RMDN2: variants seen among roughly 807,000 people sequenced by gnomAD.
RMDN2 encodes the protein regulator of microtubule dynamics protein 2.
Under a neutral mutation model 52.8 loss-of-function variants are expected in RMDN2, and 61 were observed. The ratio of observed to expected loss-of-function variants is 1.16; its 90% confidence interval spans 0.94 to 1.43. The LOEUF (loss-of-function observed/expected upper bound fraction) is 1.43, where lower values mean the gene tolerates loss of function less well. Among genes scored for constraint, RMDN2 ranks in the 40% most tolerant of loss-of-function variants. The probability of loss-of-function intolerance (pLI) is 0.00; values close to 1 mark genes in which losing one functional copy is unlikely to be tolerated. For missense variants in RMDN2, 592 were observed against 475.3 expected (o/e 1.25, Z -2.28); for synonymous variants, 180 against 153.1 (o/e 1.18, Z -1.30).
intron 2 of RMDN2, among the ~76,000 whole-genome samples, chr2:37,931,446 A>G (rs1157887779): frequency 1.3e-5 from 2 of 152,224 alleles, no homozygotes; most frequent in Non-Finnish European, 2.9e-5. Context: ...CAGTTTTGGC[A>G]GTTGCATCTT....
intron 4 of RMDN2, among the ~76,000 whole-genome samples, chr2:37,977,975 G>T (rs1171358573): frequency 6.6e-6 from 1 of 152,100 alleles, no homozygotes; most frequent in Non-Finnish European, 1.5e-5. Context: ...CAGGCGGCTG[G>T]GAGGTGGAGA....
upstream of RMDN2, among the ~76,000 whole-genome samples, chr2:37,921,925 C>T (rs1666042946): frequency 6.6e-6 from 1 of 152,138 alleles, no homozygotes; most frequent in African/African-American, 2.4e-5. Context: ...ATAAATGTTC[C>T]TGCTGTACCT....
intron 2 of RMDN2, among the ~76,000 whole-genome samples, chr2:37,957,343 C>G (rs1170708914): frequency 1.3e-5 from 2 of 152,176 alleles, no homozygotes; most frequent in Non-Finnish European, 2.9e-5. Flanking sequence ...TTAATTATTG[C>G]CATTCTAACT....
At chr2:37,949,804 C>T (rs182603252) in intron 2 of RMDN2, 195 of 152,756 alleles carry the variant, frequency 1.3e-3, no homozygotes, top group Non-Finnish European at 1.3e-3. Context: ...TACACATACA[C>T]GTATACCTGT....
chr2:37,968,425 C>T (rs1384042292), intron 2 of RMDN2, among the ~76,000 whole-genome samples: 4 of 116,818 alleles, frequency 3.4e-5, no homozygotes, highest in African/African-American at 1.0e-4. Context: ...GGTGACAGAG[C>T]GAGACTCTGT....
intron 10 of RMDN2, among the ~76,000 whole-genome samples, chr2:38,009,341 G>A (rs1677599960): frequency 6.6e-6 from 1 of 152,164 alleles, no homozygotes; most frequent in Non-Finnish European, 1.5e-5. Context: ...TCACTTTCAG[G>A]TACACCAATC....
At position 37,974,935 on chromosome 2, in the gene RMDN2, G is replaced by T. The variant is rs565030082; in HGVS notation, c.628-277G>T. 1.5e-4 allele frequency: 46 copies of T among 312,696 alleles called. No homozygotes were observed. The East Asian group carries it at 3.3e-3, about 23-fold the overall frequency. The allele number at this position is 312,696 out of a possible 1,614,324, so 19.4% of individuals were successfully genotyped here. ...GCTCAGGAAGAATTTCTAGATTTTG[G>T]TGCCTATCAAATCTCTTCTCTGCAT... On this transcript the variant is annotated intron_variant, in intron 3 of 10. Coordinates refer to ENST00000354545, the MANE Select transcript of RMDN2 (RefSeq NM_001170791.3).
At chr2:38,005,263 T>C (rs1490764830) in intron 10 of RMDN2, among the ~76,000 whole-genome samples, 3 of 152,288 alleles carry the variant, frequency 2.0e-5, no homozygotes, top group African/African-American at 2.4e-5. Context: ...TCTAGATCCC[T>C]GAGGAATCGC....
chr2:38,004,281 A>G (rs946867938), intron 10 of RMDN2, 65 bp downstream of exon 10: 3 of 1,048,496 alleles, frequency 2.9e-6, no homozygotes, highest in African/African-American at 3.1e-5. Flanking sequence ...CAAAACAGGA[A>G]TAACTCGCTT....
At chr2:37,963,848 G>A (rs1447295082) in intron 2 of RMDN2, among the ~76,000 whole-genome samples, 1 of 152,174 alleles carries the variant, frequency 6.6e-6, no homozygotes, top group African/African-American at 2.4e-5. Context: ...ACCAGACGGG[G>A]TGGCGGCCGG....
intron 10 of RMDN2, among the ~76,000 whole-genome samples, chr2:38,009,142 T>A (rs573330767): frequency 1.3e-5 from 2 of 152,358 alleles, no homozygotes; most frequent in African/African-American, 2.4e-5. Flanking sequence ...TTAACATTTT[T>A]TCCTTCATTT....
At chr2:37,941,895 G>C (rs1330589764) in intron 2 of RMDN2, among the ~76,000 whole-genome samples, 1 of 151,850 alleles carries the variant, frequency 6.6e-6, no homozygotes, top group Non-Finnish European at 1.5e-5. Context: ...CTTTCCAGGG[G>C]AGTGAGTGGT....
intron 10 of RMDN2, among the ~76,000 whole-genome samples, chr2:38,059,319 T>G (rs575955710): frequency 2.6e-5 from 4 of 152,364 alleles, no homozygotes; most frequent in African/African-American, 9.6e-5. Flanking sequence ...ACTAATTTCT[T>G]TTTGTGAGTA....
At position 37,929,266 on chromosome 2, in the gene RMDN2, G is replaced by T; in HGVS notation, c.-12G>T. The T allele has an allele frequency of 6.7e-7, 1 of 1,486,556 alleles. No individual in the cohort carries two copies. The highest frequency in any genetic ancestry group is 1.3e-5 in the South Asian group (1 of 75,956). 92.1% of individuals were successfully genotyped at this position (1,486,556 alleles called of 1,614,324 possible). On this transcript the variant is annotated 5_prime_UTR_variant, in exon 2 of 11. Transcript: ENST00000354545. Reference sequence around the variant, plus strand: ...CATTTATGTTTTTAATTTTAGAAACGAAAACCAAGAAATGCCTTATTCCAC... The same window carrying T: ...CATTTATGTTTTTAATTTTAGAAACTAAAACCAAGAAATGCCTTATTCCAC...
At chr2:37,989,313 C>T (rs1189524841) in intron 5 of RMDN2, among the ~76,000 whole-genome samples, 1 of 152,048 alleles carries the variant, frequency 6.6e-6, no homozygotes, top group Non-Finnish European at 1.5e-5. Context: ...CTTATTTTAC[C>T]CTCACAGTAT....
intron 5 of RMDN2, among the ~76,000 whole-genome samples, chr2:37,984,314 TG>T (rs1673707554): frequency 6.6e-6 from 1 of 152,198 alleles, no homozygotes; most frequent in African/African-American, 2.4e-5. Context: ...TGCAGTTTGT[TG>T]GCCAAATAAG....
chr2:37,967,723 G>T (rs979462351), intron 2 of RMDN2, among the ~76,000 whole-genome samples: 1 of 152,194 alleles, frequency 6.6e-6, no homozygotes, highest in African/African-American at 2.4e-5. Flanking sequence ...AATTTTGCAA[G>T]AGTTTCTTTC....
intron 2 of RMDN2, among the ~76,000 whole-genome samples, chr2:37,937,060 C>A (rs1385289995): frequency 1.3e-5 from 2 of 152,042 alleles, no homozygotes; most frequent in African/African-American, 4.8e-5. Context: ...TCCAATCCAT[C>A]TTGAGTTAAT....
chr2:38,063,202 T>C (rs1221907158), intron 10 of RMDN2, among the ~76,000 whole-genome samples: 12 of 152,338 alleles, frequency 7.9e-5, no homozygotes, highest in Middle Eastern at 3.4e-3. Flanking sequence ...CACTGACTTC[T>C]ACAACGGTTG....
Sources: gnomAD v4.1 joint callset for allele counts (sites outside exome capture counted in the v4.1 genomes callset) on GRCh38, gnomAD v4.1.1 for gene constraint, MANE v1.5 for transcripts, NCBI Gene and HGNC (gene_info 2026-07-23, HGNC 2026-07-21) for gene names.